RBMS3: variants seen among roughly 807,000 people sequenced by gnomAD.
RBMS3 encodes RNA-binding motif, single-stranded-interacting protein 3.
Under a neutral mutation model 66.8 loss-of-function variants are expected in RBMS3, and 27 were observed. The observed-to-expected ratio is 0.40, with a 90% CI of 0.30 to 0.56. The LOEUF (loss-of-function observed/expected upper bound fraction) is 0.56, where lower values mean the gene tolerates loss of function less well. Among genes scored for constraint, RBMS3 ranks in the 20% least tolerant of loss-of-function variants. The pLI, the probability that RBMS3 is intolerant of heterozygous loss-of-function variation, is 0.40. For synonymous variants in RBMS3, 188 were observed against 183.0 expected, an observed-to-expected ratio of 1.03 and a Z score of -0.22; for missense variants, 513 against 549.5, an observed-to-expected ratio of 0.93 and a Z score of 0.66.
chr3:29,851,080 A>G (rs1210248181), intron 6 of RBMS3, among the ~76,000 whole-genome samples: 2 of 152,074 alleles, frequency 1.3e-5, no homozygotes, highest in Non-Finnish European at 2.9e-5. Flanking sequence ...TGCATCTATT[A>G]CTTCCTCTTC....
chr3:29,815,466 A>C (rs530609134), intron 6 of RBMS3, among the ~76,000 whole-genome samples: 1 of 152,190 alleles, frequency 6.6e-6, no homozygotes, highest in Non-Finnish European at 1.5e-5. Context: ...ACATCTGGTT[A>C]GAAGTTGAAG....
rs10596526 is a variant in RBMS3, at chr3:29,990,460, CAAAAAAAAAAAA to C, written c.1180-610_1180-599del. Among the ~76,000 whole-genome samples the C allele has an allele frequency of 5.9e-3, 629 of 106,526 alleles. 4 individuals carry two copies. Among genetic ancestry groups the C allele is most frequent in the African/African-American group, 0.021 (586 of 27,780 alleles). 69.9% of individuals were successfully genotyped at this position (106,526 alleles called of 152,430 possible). ...CACTCTTGCCAGCATCTGTGAGAAACAAAAAAAAAAAAAAAAAAAAAAATAGGGTGAAGGAAA... is the reference window on the plus strand; with the variant it reads ...CACTCTTGCCAGCATCTGTGAGAAACAAAAAAAAAAATAGGGTGAAGGAAA... On this transcript the variant is annotated intron_variant, in intron 13 of 14. Coordinates refer to ENST00000383767, the MANE Select transcript of RBMS3 (RefSeq NM_001003793.3).
intron 6 of RBMS3, among the ~76,000 whole-genome samples, chr3:29,832,005 C>G (rs1010011806): frequency 6.6e-6 from 1 of 152,090 alleles, no homozygotes; most frequent in Non-Finnish European, 1.5e-5. Flanking sequence ...CATTGTAGTA[C>G]TGTCCTCTTT....
intron 4 of RBMS3, among the ~76,000 whole-genome samples, chr3:29,645,922 T>C (rs1266495171): frequency 6.6e-6 from 1 of 152,240 alleles, no homozygotes. Flanking sequence ...TCTGTTTATG[T>C]GATTTGCCCT....
chr3:29,622,828 A>T (rs2048912849), intron 4 of RBMS3, among the ~76,000 whole-genome samples: 3 of 152,178 alleles, frequency 2.0e-5, no homozygotes, highest in Admixed American at 2.0e-4. Context: ...GGGATTAAAA[A>T]GTAGTCCCGG....
At chr3:29,881,371 T>C (rs2059733189) in intron 7 of RBMS3, among the ~76,000 whole-genome samples, 1 of 152,158 alleles carries the variant, frequency 6.6e-6, no homozygotes, top group Non-Finnish European at 1.5e-5. Flanking sequence ...CTCCAGGCAC[T>C]GTGCTGGGCG....
At chr3:29,358,656 T>G (rs1478167772) in intron 1 of RBMS3, among the ~76,000 whole-genome samples, 1 of 152,342 alleles carries the variant, frequency 6.6e-6, no homozygotes, top group Admixed American at 6.5e-5. Flanking sequence ...ATTTTCATGA[T>G]ATTGATTCTT....
rs1295487057 is a variant in RBMS3 at position 29,450,935 on chromosome 3, CCCA to C, written c.248+16022_248+16024del. 3.9e-3 allele frequency among the ~76,000 whole-genome samples: 565 copies of C among 144,264 alleles called. 3 individuals are homozygous for C. Among genetic ancestry groups the C allele is most frequent in the South Asian group, 0.013 (59 of 4,648 alleles). The allele number at this position is 144,264 out of a possible 152,430, so 94.6% of individuals were successfully genotyped here. A position where few individuals can be genotyped will look rare whatever the true frequency, so the allele number is the denominator to read the frequency against. On this transcript the variant is annotated intron_variant, in intron 2 of 14. Coordinates refer to ENST00000383767, the MANE Select transcript of RBMS3 (RefSeq NM_001003793.3). ...CACACACACACACACACACACACCCCCCACACACACACATGGTGTCTATATGCT... is the reference window on the plus strand; with the variant it reads ...CACACACACACACACACACACACCCCCACACACACATGGTGTCTATATGCT...
intron 3 of RBMS3, among the ~76,000 whole-genome samples, chr3:29,545,388 G>T (rs1198382230): frequency 6.6e-6 from 1 of 152,018 alleles, no homozygotes; most frequent in African/African-American, 2.4e-5. Flanking sequence ...AACAGCAAAG[G>T]TATTTCAATT....
chr3:29,305,717 C>T (rs931550649), intron 1 of RBMS3, among the ~76,000 whole-genome samples: 6 of 151,942 alleles, frequency 3.9e-5, no homozygotes, highest in Non-Finnish European at 8.8e-5. Flanking sequence ...AGCATGAAAT[C>T]AAAATAGCTT....
intron 4 of RBMS3, among the ~76,000 whole-genome samples, chr3:29,729,642 A>G (rs1240111320): frequency 7.2e-5 from 11 of 152,146 alleles, no homozygotes; most frequent in Non-Finnish European, 2.9e-5. Flanking sequence ...CATCCTCCCC[A>G]GCATCTGTTG....
chr3:29,687,251 A>G (rs180865597), intron 4 of RBMS3, among the ~76,000 whole-genome samples: 7 of 152,366 alleles, frequency 4.6e-5, no homozygotes, highest in Admixed American at 1.3e-4. Context: ...GATTGTTCCA[A>G]TTTCCCAGAA....
intron 10 of RBMS3, among the ~76,000 whole-genome samples, chr3:29,905,250 A>C (rs1171470784): frequency 6.6e-6 from 1 of 152,052 alleles, no homozygotes; most frequent in South Asian, 2.1e-4. Flanking sequence ...TTTGACTCAC[A>C]GCCTATATTT....
intron 5 of RBMS3, among the ~76,000 whole-genome samples, chr3:29,756,837 A>G (rs1379086657): frequency 6.6e-6 from 1 of 152,178 alleles, no homozygotes; most frequent in Admixed American, 6.5e-5. Context: ...AAAGAAATGC[A>G]TATGGCCAAG....
chr3:29,752,891 C>A (rs1401978776), intron 5 of RBMS3, among the ~76,000 whole-genome samples: 1 of 152,090 alleles, frequency 6.6e-6, no homozygotes, highest in Non-Finnish European at 1.5e-5. Context: ...GATAAGATTA[C>A]CAGCAAAAAT....
At chr3:29,914,879 T>C (rs1468807313) in intron 10 of RBMS3, among the ~76,000 whole-genome samples, 1 of 151,852 alleles carries the variant, frequency 6.6e-6, no homozygotes, top group Non-Finnish European at 1.5e-5. Flanking sequence ...CAGGAAACTT[T>C]TTTTTATTAA....
At chr3:29,855,487 G>GT (rs1165207371) in intron 6 of RBMS3, among the ~76,000 whole-genome samples, 1 of 151,958 alleles carries the variant, frequency 6.6e-6, no homozygotes, top group Non-Finnish European at 1.5e-5. Context: ...TTATTTTTAG[G>GT]TAAAAAAATG....
intron 1 of RBMS3, among the ~76,000 whole-genome samples, chr3:29,404,186 T>C (rs758614238): frequency 1.3e-5 from 2 of 152,104 alleles, no homozygotes; most frequent in Non-Finnish European, 2.9e-5. Context: ...AGTTTTTAAG[T>C]CCTTATTCTC....
chr3:29,387,810 C>A (rs1240936611), intron 1 of RBMS3, among the ~76,000 whole-genome samples: 1 of 152,022 alleles, frequency 6.6e-6, no homozygotes, highest in African/African-American at 2.4e-5. Context: ...TGCTACAAAC[C>A]TTCCAAAAGT....
Sources: gnomAD v4.1 joint callset for allele counts (sites outside exome capture counted in the v4.1 genomes callset) on GRCh38, gnomAD v4.1.1 for gene constraint, MANE v1.5 for transcripts, NCBI Gene and HGNC (gene_info 2026-07-23, HGNC 2026-07-21) for gene names.